Variants in SPEF2 observed in about 807,000 individuals in gnomAD.
The protein encoded by SPEF2 is sperm flagella and cilia-associated protein 2.
SPEF2 carries 187 observed loss-of-function variants against 224.6 expected under a neutral mutation model. The observed-to-expected ratio is 0.83, with a 90% CI of 0.74 to 0.94. The LOEUF is 0.94. SPEF2 is among the 40% of genes least tolerant of loss of function. The probability of loss-of-function intolerance (pLI) is 0.00; values close to 1 mark genes in which losing one functional copy is unlikely to be tolerated. For missense variants in SPEF2, 2,170 were observed against 2,135.6 expected, an observed-to-expected ratio of 1.02 and a Z score of -0.32; for synonymous variants, 715 against 707.3, an observed-to-expected ratio of 1.01 and a Z score of -0.17.
At chr5:35,689,779 G>A (rs527251936) in intron 10 of SPEF2, among the ~76,000 whole-genome samples, 1 of 152,098 alleles carries the variant, frequency 6.6e-6, no homozygotes, top group South Asian at 2.1e-4. Flanking sequence ...TTGATTCCAT[G>A]TTTTTGTTAT....
chr5:35,626,449 A>G (rs955721665), intron 1 of SPEF2, among the ~76,000 whole-genome samples: 2 of 152,160 alleles, frequency 1.3e-5, no homozygotes, highest in Admixed American at 6.5e-5. Flanking sequence ...TCTCACATGA[A>G]CTATAGCTGA....
chr5:35,792,344 A>T lies in SPEF2; in HGVS notation c.4452A>T (p.Ile1484=). The T allele has an allele frequency of 6.2e-7, 1 of 1,613,124 alleles. No individual in the cohort carries two copies. The highest frequency in any genetic ancestry group is 8.5e-7 in the Non-Finnish European group (1 of 1,179,376). ...DQFLDMAPKG[I]IGNKAFTDIL... is the part of the protein sequence containing the mutation. ...ATATTTTTCATTGTATTATAGGCAT[A>T]ATAGGAAATAAAGCATTTACTGACA... The change falls in exon 31 of 37, where the codon ATA becomes ATT. Residue 1484 remains isoleucine, a synonymous_variant. Transcript: ENST00000356031.
chr5:35,728,114 G>T (rs1216356278), intron 21 of SPEF2, among the ~76,000 whole-genome samples: 1 of 152,164 alleles, frequency 6.6e-6, no homozygotes, highest in Non-Finnish European at 1.5e-5. Flanking sequence ...ATTCCTGGAA[G>T]AATGACTTCC....
At position 35,803,001 on chromosome 5, in the gene SPEF2, A is replaced by G. The variant is rs374946733; in HGVS notation, c.5010+2854A>G. On this transcript the variant is annotated intron_variant, in intron 34 of 36. Transcript: ENST00000356031. ...GGACCACTTATCTATTTCTACTGCT[A>G]AATGGTTCCTGCCTTGAGTTTGGGA... 7.9e-5 allele frequency among the ~76,000 whole-genome samples: 12 copies of G among 152,320 alleles called. No individual in the cohort carries two copies. The East Asian group carries it at 2.3e-3, about 29-fold the overall frequency.
chr5:35,747,641 C>T lies in SPEF2; in HGVS notation c.3331-5983C>T, dbSNP rs1306858111. Reference sequence around the variant, plus strand: ...TGTGCAACAGGAAAATATCACAATCCTAAACATATATGCACCTAACACTGG... The same window carrying T: ...TGTGCAACAGGAAAATATCACAATCTTAAACATATATGCACCTAACACTGG... On this transcript the variant is annotated intron_variant, in intron 23 of 36. Coordinates refer to ENST00000356031, the MANE Select transcript of SPEF2 (RefSeq NM_024867.4). Among the ~76,000 whole-genome samples, 5 of 152,140 alleles carry T rather than the reference C, an allele frequency of 3.3e-5. No individual in the cohort carries two copies. In the East Asian group the frequency reaches 9.7e-4, roughly 29 times the overall value.
intron 30 of SPEF2, chr5:35,791,603 A>G (rs1195301623): frequency 6.6e-6 from 1 of 151,412 alleles, no homozygotes; most frequent in Non-Finnish European, 1.5e-5. Flanking sequence ...TTAGCCAGAC[A>G]TTTTTTTTTA....
intron 18 of SPEF2, among the ~76,000 whole-genome samples, chr5:35,708,073 C>A (rs1020480642): frequency 7.2e-5 from 11 of 152,094 alleles, no homozygotes; most frequent in African/African-American, 2.7e-4. Context: ...GTATCTCCAG[C>A]AATCAGAACT....
intron 30 of SPEF2, chr5:35,781,758 TACC>T (rs1420260469): frequency 6.6e-6 from 1 of 152,230 alleles, no homozygotes; most frequent in African/African-American, 2.4e-5. Flanking sequence ...AGCTCAATTA[TACC>T]ATTTGAAAAA....
rs780233715 is a variant in SPEF2, at chr5:35,727,737, A to G, written c.2977A>G (p.Thr993Ala). 10 of 1,613,988 alleles carry G rather than the reference A, an allele frequency of 6.2e-6. No homozygotes were observed. In the Middle Eastern group the frequency reaches 4.9e-4, roughly 80 times the overall value. Residue 993 changes from threonine to alanine, a missense_variant, in exon 21 of 37, where the codon ACA becomes GCA. Physicochemically the swap from Thr to Ala is moderately conservative, Grantham distance 58 (BLOSUM62 0). Coordinates refer to ENST00000356031, the MANE Select transcript of SPEF2 (RefSeq NM_024867.4). Reference protein sequence around the residue: ...VPVKKSPADSTDTSPVAIVPQ... With the variant: ...VPVKKSPADSADTSPVAIVPQ... Reference sequence around the variant, plus strand: ...AGTAAAGAAATCACCTGCTGACTCTACAGATACATCACCTGTTGCAATAGT... The same window carrying G: ...AGTAAAGAAATCACCTGCTGACTCTGCAGATACATCACCTGTTGCAATAGT...
At chr5:35,657,994 G>T (rs370198783) in intron 7 of SPEF2, among the ~76,000 whole-genome samples, 20 of 152,170 alleles carry the variant, frequency 1.3e-4, no homozygotes, top group African/African-American at 4.1e-4. Flanking sequence ...TTAAATAGTG[G>T]TTGTAGACCA....
At chr5:35,762,730 CA>C (rs1400174907) in intron 25 of SPEF2, among the ~76,000 whole-genome samples, 1 of 152,178 alleles carries the variant, frequency 6.6e-6, no homozygotes, top group African/African-American at 2.4e-5. Flanking sequence ...GGATTCCAGT[CA>C]CAATAAGCAT....
At chr5:35,661,254 T>TTATATATATATATATATATATATA (rs550178866) in intron 8 of SPEF2, among the ~76,000 whole-genome samples, 1 of 93,996 alleles carries the variant, frequency 1.1e-5, no homozygotes, top group African/African-American at 3.7e-5. Context: ...TTGGTATATA[T>TTATATATATATATATATATATATA]TATATATATA....
At chr5:35,776,468 G>T in intron 29 of SPEF2, 73 bp downstream of exon 29, 1 of 1,500,146 alleles carries the variant, frequency 6.7e-7, no homozygotes, top group Non-Finnish European at 8.9e-7. Context: ...AGATTTTTAA[G>T]GTATTTACAA....
intron 34 of SPEF2, among the ~76,000 whole-genome samples, chr5:35,806,349 A>G (rs957565174): frequency 1.3e-5 from 2 of 152,204 alleles, no homozygotes; most frequent in African/African-American, 4.8e-5. Context: ...TAGCCTCTCA[A>G]TTGCATTCAA....
chr5:35,785,107 C>A (rs1018969503), intron 30 of SPEF2, among the ~76,000 whole-genome samples: 3 of 152,180 alleles, frequency 2.0e-5, no homozygotes, highest in Non-Finnish European at 2.9e-5. Context: ...AGAAAGATTT[C>A]TTAGAGAAGG....
intron 16 of SPEF2, chr5:35,702,346 G>A (rs1436491748): frequency 2.2e-6 from 1 of 456,010 alleles, no homozygotes; most frequent in Middle Eastern, 3.3e-4. Flanking sequence ...CAAAGCCAAT[G>A]GGCAGGAGAC....
rs201972127 is a variant in SPEF2, at chr5:35,646,761, A to G, written c.680A>G (p.Lys227Arg). The G allele has an allele frequency of 1.2e-6, 2 of 1,613,962 alleles. No individual in the cohort carries two copies. Among genetic ancestry groups the G allele is most frequent in the African/African-American group, 2.7e-5 (2 of 75,058 alleles). Reference protein sequence around the residue: ...IPKPASNRTLKALEAQKMMKK... With the variant: ...IPKPASNRTLRALEAQKMMKK... ...AAACCTGCATCAAATCGTACTTTGAAAGCACTCGAGGCCCAAAAAATGATG... is the reference window on the plus strand; with the variant it reads ...AAACCTGCATCAAATCGTACTTTGAGAGCACTCGAGGCCCAAAAAATGATG... Residue 227 changes from lysine (K) to arginine (R), a missense_variant, in exon 5 of 37, where the codon AAA becomes AGA. By Grantham distance (26) the Lys-to-Arg change is conservative. Coordinates refer to ENST00000356031, the MANE Select transcript of SPEF2 (RefSeq NM_024867.4).
At chr5:35,636,794 G>A (rs1383216433) in intron 2 of SPEF2, among the ~76,000 whole-genome samples, 1 of 151,962 alleles carries the variant, frequency 6.6e-6, no homozygotes, top group Non-Finnish European at 1.5e-5. Context: ...GGCCAACATG[G>A]TGAAACCCCA....
chr5:35,791,914 G>A (rs1019047044), intron 30 of SPEF2, among the ~76,000 whole-genome samples: 3 of 152,132 alleles, frequency 2.0e-5, no homozygotes, highest in Non-Finnish European at 4.4e-5. Context: ...CTTGATTGTA[G>A]TGGTGATCTG....
Sources: gnomAD v4.1 joint callset for allele counts (sites outside exome capture counted in the v4.1 genomes callset) on GRCh38, gnomAD v4.1.1 for gene constraint, MANE v1.5 for transcripts, NCBI Gene and HGNC (gene_info 2026-07-23, HGNC 2026-07-21) for gene names.